Variants in CCDC169 observed in about 807,000 individuals in gnomAD.
CCDC169 encodes the protein coiled-coil domain-containing protein 169.
Under a neutral mutation model 36.0 loss-of-function variants are expected in CCDC169, and 30 were observed. That is an observed-to-expected ratio of 0.83 (90% confidence interval 0.62 to 1.13). CCDC169 has a LOEUF of 1.13. CCDC169 is among the 50% of genes most tolerant of loss of function. The probability of loss-of-function intolerance (pLI) is 0.00; values close to 1 mark genes in which losing one functional copy is unlikely to be tolerated. For synonymous variants in CCDC169, 85 were observed against 81.5 expected, an observed-to-expected ratio of 1.04 and a Z score of -0.23; for missense variants, 245 against 245.9, an observed-to-expected ratio of 1.00 and a Z score of 0.03.
chr13:36,223,031 TA>T (rs1420251377), downstream of CCDC169: 1 of 152,114 alleles, frequency 6.6e-6, no homozygotes, highest in East Asian at 1.9e-4. Context: ...TGATGAAAAC[TA>T]CAGATATAAG....
At chr13:36,232,544 C>A (rs1013437337) in intron 7 of CCDC169, among the ~76,000 whole-genome samples, 13 of 152,016 alleles carry the variant, frequency 8.6e-5, no homozygotes, top group Admixed American at 6.6e-4. Flanking sequence ...GTAATCCCAG[C>A]ACTTTGGGAG....
At chr13:36,273,734 T>A (rs1027369247) in intron 4 of CCDC169, among the ~76,000 whole-genome samples, 1 of 152,308 alleles carries the variant, frequency 6.6e-6, no homozygotes, top group Middle Eastern at 3.4e-3. Flanking sequence ...TTATTTAAAA[T>A]TTTTTTGTAA....
chr13:36,293,332 T>C (rs1292152724), intron 2 of CCDC169, among the ~76,000 whole-genome samples: 1 of 152,214 alleles, frequency 6.6e-6, no homozygotes, highest in Non-Finnish European at 1.5e-5. Flanking sequence ...CTATGTTCCA[T>C]TTTTATCAAT....
intron 4 of CCDC169, among the ~76,000 whole-genome samples, chr13:36,277,506 T>C (rs1262397742): frequency 6.6e-6 from 1 of 152,110 alleles, no homozygotes; most frequent in African/African-American, 2.4e-5. Context: ...CTTTAATATA[T>C]ATTAATATGG....
chr13:36,295,919 A>G (rs1879421003), intron 1 of CCDC169, 62 bp from the exon 2 acceptor site: 1 of 928,290 alleles, frequency 1.1e-6, no homozygotes, highest in East Asian at 2.7e-5. Context: ...GAAAAATAAT[A>G]CATAGTAACC....
rs141158268 is a variant in CCDC169, at chr13:36,243,297, C to T, written c.545+5309G>A. Among the ~76,000 whole-genome samples, 601 of 152,092 alleles carry T rather than the reference C, an allele frequency of 4.0e-3. 2 individuals are homozygous for T. Among genetic ancestry groups the T allele is most frequent in the African/African-American group, 0.014 (573 of 41,484 alleles). On this transcript the variant is annotated intron_variant, in intron 7 of 7. Coordinates refer to ENST00000239859, the MANE Select transcript of CCDC169 (RefSeq NM_001144981.3). ...GGAGGATCTTTTGAGGTCAGGAGTT[C>T]GAGACCAGCCTGGCCAACATGGCGA... is the stretch of plus-strand genomic sequence containing the variant.
In CCDC169 at chr13:36,231,077, G is replaced by A; in HGVS notation, c.*116C>T. The A allele has an allele frequency of 7.0e-7, 1 of 1,433,060 alleles. No individual in the cohort carries two copies. Among genetic ancestry groups the A allele is most frequent in the Non-Finnish European group, 9.1e-7 (1 of 1,097,316 alleles). 88.8% of individuals were successfully genotyped at this position (1,433,060 alleles called of 1,614,324 possible). A position where few individuals can be genotyped will look rare whatever the true frequency, so the allele number is the denominator to read the frequency against. On this transcript the variant is annotated 3_prime_UTR_variant, in exon 8 of 8. Transcript: ENST00000239859. ...TCTGGAAAAGGAACTAAAGAAAAAT[G>A]TGGCAGTTCTTATCTATTTTATTCC...
intron 4 of CCDC169, chr13:36,282,392 G>C: frequency 3.0e-6 from 3 of 985,288 alleles, no homozygotes; most frequent in Non-Finnish European, 3.6e-6. Context: ...CTGGATATAG[G>C]ATTGTTGGAT....
downstream of CCDC169, among the ~76,000 whole-genome samples, chr13:36,229,025 T>A (rs897540489): frequency 5.3e-5 from 8 of 152,242 alleles, no homozygotes; most frequent in Admixed American, 1.3e-4. Flanking sequence ...TTTTAATTTT[T>A]ATTTTCATCT....
chr13:36,258,086 A>G (rs541433172), intron 4 of CCDC169, among the ~76,000 whole-genome samples: 118 of 151,956 alleles, frequency 7.8e-4, no homozygotes, highest in African/African-American at 2.6e-3. Context: ...GCAGAATTTG[A>G]CCCTAGTTTT....
chr13:36,253,940 A>G, intron 5 of CCDC169, 84 bp from the exon 6 acceptor site: 2 of 1,538,886 alleles, frequency 1.3e-6, no homozygotes, highest in East Asian at 4.9e-5. Context: ...GTATGTCTCT[A>G]TAGTGTAGGA....
intron 7 of CCDC169, among the ~76,000 whole-genome samples, chr13:36,242,204 A>G (rs1190854591): frequency 2.0e-5 from 3 of 152,242 alleles, no homozygotes; most frequent in Non-Finnish European, 4.4e-5. Flanking sequence ...AAGTGGTTAT[A>G]TAAATGTATA....
At chr13:36,286,559 C>G (rs1878279286) in intron 2 of CCDC169, among the ~76,000 whole-genome samples, 1 of 152,150 alleles carries the variant, frequency 6.6e-6, no homozygotes, top group East Asian at 1.9e-4. Flanking sequence ...TTTGGATGCA[C>G]ACCACCTGTT....
chr13:36,273,733 A>AT, intron 4 of CCDC169, among the ~76,000 whole-genome samples: 1 of 152,174 alleles, frequency 6.6e-6, no homozygotes, highest in East Asian at 1.9e-4. Context: ...TTTATTTAAA[A>AT]TTTTTTTGTA....
intron 7 of CCDC169, among the ~76,000 whole-genome samples, chr13:36,245,793 A>AT (rs1872441537): frequency 6.6e-6 from 1 of 152,136 alleles, no homozygotes; most frequent in Non-Finnish European, 1.5e-5. Context: ...AAGATACTGC[A>AT]TTTTTTACAA....
chr13:36,240,049 A>G (rs931710994), intron 7 of CCDC169, among the ~76,000 whole-genome samples: 3 of 152,124 alleles, frequency 2.0e-5, no homozygotes, highest in African/African-American at 7.2e-5. Context: ...AAAACTTAGC[A>G]TACACAGGGT....
Position 36,263,169 on chromosome 13 carries a change from C to T in CCDC169, c.316-9026G>A, listed in dbSNP as rs77473802. The stretch of plus-strand genomic sequence containing the variant: ...TATGTGTTGAATTTACAATCAAGTT[C>T]CCCAAAACATTGGTACGAAAGTAGA... On this transcript the variant is annotated intron_variant, in intron 4 of 7. Coordinates refer to ENST00000239859, the MANE Select transcript of CCDC169 (RefSeq NM_001144981.3). Among the ~76,000 whole-genome samples, 151 of 151,630 alleles carry T rather than the reference C, an allele frequency of 1.0e-3. 2 individuals are homozygous for T. The East Asian group carries it at 0.029, about 29-fold the overall frequency.
chr13:36,263,068 A>G (rs1293314943), intron 4 of CCDC169, among the ~76,000 whole-genome samples: 2 of 152,172 alleles, frequency 1.3e-5, no homozygotes, highest in African/African-American at 4.8e-5. Flanking sequence ...TGGCCATGGT[A>G]TCTGGGTTGC....
In CCDC169 at chr13:36,256,923, GCCCA is replaced by G. The variant is rs199652640; in HGVS notation, c.316-2784_316-2781del. 9.9e-4 allele frequency among the ~76,000 whole-genome samples: 151 copies of G among 152,292 alleles called. 2 individuals are homozygous for G. The East Asian group carries it at 0.029, about 29-fold the overall frequency. On this transcript the variant is annotated intron_variant, in intron 4 of 7. Transcript: ENST00000239859. ...ATTCTGCACATCACTAATTACTACTGCCCACAGGTGGGCCAGCAGCAGCTGGGTA... is the reference window on the plus strand; with the variant it reads ...ATTCTGCACATCACTAATTACTACTGCAGGTGGGCCAGCAGCAGCTGGGTA...
Sources: gnomAD v4.1 joint callset for allele counts (sites outside exome capture counted in the v4.1 genomes callset) on GRCh38, gnomAD v4.1.1 for gene constraint, MANE v1.5 for transcripts, NCBI Gene and HGNC (gene_info 2026-07-23, HGNC 2026-07-21) for gene names.